TRPM3: variants seen among roughly 807,000 people sequenced by gnomAD.
TRPM3 encodes the protein long transient receptor potential channel 3.
Under a neutral mutation model 181.2 loss-of-function variants are expected in TRPM3, and 77 were observed. The observed-to-expected ratio is 0.42, with a 90% CI of 0.35 to 0.51. TRPM3 has a LOEUF of 0.51. TRPM3 is among the 20% of genes least tolerant of loss of function. TRPM3 has a pLI of 0.01. For synonymous variants in TRPM3, 745 were observed against 796.4 expected (o/e 0.94, Z 1.09); for missense variants, 1,759 against 2,196.7 (o/e 0.80, Z 3.98).
intron 1 of TRPM3, among the ~76,000 whole-genome samples, chr9:71,142,882 G>A (rs1267861050): frequency 6.6e-6 from 1 of 151,700 alleles, no homozygotes; most frequent in Middle Eastern, 3.2e-3. Flanking sequence ...AGGCAGCGAG[G>A]CAGGAGAATC....
intron 1 of TRPM3, among the ~76,000 whole-genome samples, chr9:71,364,701 C>T (rs1428195787): frequency 6.6e-6 from 1 of 152,162 alleles, no homozygotes. Context: ...AGTATTTATA[C>T]CTACAGCTTG....
chr9:70,950,829 G>A (rs149509167), intron 1 of TRPM3, among the ~76,000 whole-genome samples: 177 of 152,086 alleles, frequency 1.2e-3, no homozygotes, highest in African/African-American at 4.0e-3. Context: ...AATTATTTAG[G>A]TTTCAAGCTT....
chr9:70,891,789 A>T (rs1014097958), intron 1 of TRPM3, among the ~76,000 whole-genome samples: 2 of 152,078 alleles, frequency 1.3e-5, no homozygotes, highest in African/African-American at 4.8e-5. Context: ...CCTAATGACA[A>T]CTCTGTAAAT....
At chr9:71,339,297 A>C (rs1166583319) in intron 1 of TRPM3, among the ~76,000 whole-genome samples, 2 of 152,130 alleles carry the variant, frequency 1.3e-5, no homozygotes, top group Non-Finnish European at 2.9e-5. Flanking sequence ...GATCACAATA[A>C]AAATCTTTTT....
intron 1 of TRPM3, among the ~76,000 whole-genome samples, chr9:70,956,273 C>A (rs1436859356): frequency 7.1e-6 from 1 of 141,478 alleles, no homozygotes; most frequent in African/African-American, 2.6e-5. Flanking sequence ...AAGATAGCCT[C>A]ATCTCTACCA....
At chr9:70,660,444 C>T (rs1200635063) in intron 9 of TRPM3, among the ~76,000 whole-genome samples, 1 of 152,130 alleles carries the variant, frequency 6.6e-6, no homozygotes, top group Non-Finnish European at 1.5e-5. Context: ...GTTGTCCTGA[C>T]TTCCTGGACC....
chr9:70,598,353 C>A lies in TRPM3; in HGVS notation c.3048+66G>T, dbSNP rs564999943. On this transcript the variant is annotated intron_variant, in intron 21 of 25. Transcript: ENST00000677713. The stretch of plus-strand genomic sequence containing the variant: ...ATAGCAGGCCCAAATGAATTATTTC[C>A]CTCTATCTATTATCACCATTCCTCC... 54 of 1,570,396 alleles carry A rather than the reference C, an allele frequency of 3.4e-5. No individual in the cohort carries two copies. In the African/African-American group the frequency reaches 6.8e-4, roughly 20 times the overall value.
At chr9:70,841,624 C>CAA (rs1240852499) in intron 5 of TRPM3, among the ~76,000 whole-genome samples, 1 of 72,916 alleles carries the variant, frequency 1.4e-5, no homozygotes, top group South Asian at 5.6e-4. Flanking sequence ...CTATATCCCA[C>CAA]TATATATATA....
rs1565371662 is a variant in TRPM3, at chr9:71,237,059, AAG to A, written c.183+209592_183+209593del. ...AAGACTCCATCAAAAAAAAAAAAAAAAGGGGGGGGGAAAAAAAGAAAGGAAAG... is the reference window on the plus strand; with the variant it reads ...AAGACTCCATCAAAAAAAAAAAAAAAGGGGGGGGAAAAAAAGAAAGGAAAG... On this transcript the variant is annotated intron_variant, in intron 1 of 24. Transcript: ENST00000357533. 1.4e-3 allele frequency among the ~76,000 whole-genome samples: 211 copies of A among 146,048 alleles called. 8 individuals are homozygous for A. The highest frequency in any genetic ancestry group is 5.2e-3 in the African/African-American group (201 of 38,896).
intron 1 of TRPM3, among the ~76,000 whole-genome samples, chr9:71,106,938 G>T (rs939605402): frequency 6.6e-6 from 1 of 152,126 alleles, no homozygotes; most frequent in South Asian, 2.1e-4. Flanking sequence ...TCCTGCAGTG[G>T]CTGAGCAATT....
chr9:71,194,093 T>C (rs191249509), intron 1 of TRPM3, among the ~76,000 whole-genome samples: 239 of 152,078 alleles, frequency 1.6e-3, no homozygotes, highest in African/African-American at 5.3e-3. Flanking sequence ...TTGTAATTTG[T>C]CACCATAATG....
intron 8 of TRPM3, among the ~76,000 whole-genome samples, chr9:70,692,857 C>T (rs1019195804): frequency 1.3e-5 from 2 of 148,710 alleles, no homozygotes; most frequent in African/African-American, 4.8e-5. Flanking sequence ...ATTCAGTGAA[C>T]ATGAGGTTTG....
chr9:71,002,111 A>T (rs2097610359), intron 1 of TRPM3, among the ~76,000 whole-genome samples: 1 of 152,064 alleles, frequency 6.6e-6, no homozygotes, highest in Non-Finnish European at 1.5e-5. Context: ...CTCCAGCCAT[A>T]ATGGTTTTCT....
rs545287235 is a variant in TRPM3, at chr9:71,247,602, G to A, written c.183+199051C>T. On this transcript the variant is annotated intron_variant, in intron 1 of 24. Coordinates refer to the TRPM3 transcript ENST00000357533. ...AGGTATTCCATCCTCAGAAATAGAA[G>A]GGAAGGAGGAGGAACTCAGAGATGT... 5.3e-5 allele frequency among the ~76,000 whole-genome samples: 8 copies of A among 151,642 alleles called. No homozygotes were observed. The South Asian group carries it at 1.7e-3, about 32-fold the overall frequency.
intron 1 of TRPM3, among the ~76,000 whole-genome samples, chr9:70,974,135 C>G (rs2097273982): frequency 6.6e-6 from 1 of 152,134 alleles, no homozygotes; most frequent in Non-Finnish European, 1.5e-5. Context: ...CTTTGTATAG[C>G]GTAGTAAACT....
rs184070083 is a variant in TRPM3 at position 71,305,523 on chromosome 9, A to G, written c.183+141130T>C. 5.9e-5 allele frequency among the ~76,000 whole-genome samples: 9 copies of G among 152,302 alleles called. No individual in the cohort carries two copies. The East Asian group carries it at 1.5e-3, about 26-fold the overall frequency. On this transcript the variant is annotated intron_variant, in intron 1 of 24. Transcript: ENST00000357533. The stretch of plus-strand genomic sequence containing the variant: ...AAATTACAAGAAAATGTAGTGAAAA[A>G]TATTAGTAAAGACAGAGTTCTGACT...
intron 8 of TRPM3, among the ~76,000 whole-genome samples, chr9:70,682,456 T>C (rs918406554): frequency 6.6e-6 from 1 of 152,110 alleles, no homozygotes; most frequent in Non-Finnish European, 1.5e-5. Flanking sequence ...GAGGATAACT[T>C]CAAGCAGAGT....
rs77294538 is a variant in TRPM3, at chr9:71,219,694, G to A, written c.183+226959C>T. Among the ~76,000 whole-genome samples, 595 of 152,284 alleles carry A rather than the reference G, an allele frequency of 3.9e-3. 4 individuals carry two copies. The highest frequency in any genetic ancestry group is 0.014 in the African/African-American group (572 of 41,558). On this transcript the variant is annotated intron_variant, in intron 1 of 24. Transcript: ENST00000357533. Reference sequence around the variant, plus strand: ...AGGAACTGTTTTAGATACTGACATGGTATGAACAACATTAATCTGGGCGTT... The same window carrying A: ...AGGAACTGTTTTAGATACTGACATGATATGAACAACATTAATCTGGGCGTT...
intron 1 of TRPM3, among the ~76,000 whole-genome samples, chr9:71,325,941 A>T (rs947702870): frequency 6.6e-6 from 1 of 152,348 alleles, no homozygotes; most frequent in South Asian, 2.1e-4. Flanking sequence ...GCTTGGGCAG[A>T]ATCTAGGACT....
Sources: allele counts gnomAD v4.1 joint callset (sites outside exome capture counted in the v4.1 genomes callset), GRCh38; gene constraint gnomAD v4.1.1; transcripts MANE v1.5; gene names NCBI Gene and HGNC (gene_info 2026-07-23, HGNC 2026-07-21).